Variants in SGCZ observed in about 807,000 individuals in gnomAD.
SGCZ encodes the protein sarcoglycan zeta, also known as zeta-sarcoglycan.
Under a neutral mutation model 41.3 loss-of-function variants are expected in SGCZ, and 40 were observed. The ratio of observed to expected loss-of-function variants is 0.97; its 90% CI spans 0.75 to 1.26. The LOEUF is 1.26. Ranked by LOEUF, SGCZ falls within the 50% of genes most tolerant of loss-of-function variation. The pLI, the probability that SGCZ is intolerant of heterozygous loss-of-function variation, is 0.00. For missense variants in SGCZ, 552 were observed against 369.8 expected, an observed-to-expected ratio of 1.49 and a Z score of -4.04; for synonymous variants, 206 against 137.5, an observed-to-expected ratio of 1.50 and a Z score of -3.49.
chr8:15,144,522 T>C (rs1348897011), intron 1 of SGCZ, among the ~76,000 whole-genome samples: 1 of 152,070 alleles, frequency 6.6e-6, no homozygotes, highest in Admixed American at 6.6e-5. Context: ...TTCAGTGCAG[T>C]GGAGCCACCT....
intron 1 of SGCZ, among the ~76,000 whole-genome samples, chr8:14,938,991 C>T (rs529822436): frequency 1.3e-4 from 20 of 152,170 alleles, no homozygotes; most frequent in African/African-American, 1.7e-4. Context: ...TTTCAGTCTG[C>T]GCCCTGGCAA....
chr8:14,935,101 A>G (rs2130811374), intron 1 of SGCZ, among the ~76,000 whole-genome samples: 1 of 151,816 alleles, frequency 6.6e-6, no homozygotes, highest in East Asian at 1.9e-4. Context: ...TGATGAAAAT[A>G]AAACACAAAA....
intron 1 of SGCZ, among the ~76,000 whole-genome samples, chr8:15,213,715 T>C (rs1432221606): frequency 6.6e-6 from 1 of 151,826 alleles, no homozygotes; most frequent in Non-Finnish European, 1.5e-5. Flanking sequence ...AGTGAAAAGA[T>C]ATTTAACATA....
intron 6 of SGCZ, among the ~76,000 whole-genome samples, chr8:14,106,151 T>C (rs1391457451): frequency 1.3e-5 from 2 of 152,206 alleles, no homozygotes; most frequent in African/African-American, 4.8e-5. Flanking sequence ...AACAAATACT[T>C]ATTGCAACTA....
At chr8:14,718,142 A>C (rs1271079579) in intron 1 of SGCZ, among the ~76,000 whole-genome samples, 3 of 151,808 alleles carry the variant, frequency 2.0e-5, no homozygotes, top group Admixed American at 6.6e-5. Flanking sequence ...TATATTATTG[A>C]AATACACATA....
intron 3 of SGCZ, among the ~76,000 whole-genome samples, chr8:14,308,683 G>C (rs1255787394): frequency 6.6e-6 from 1 of 151,962 alleles, no homozygotes; most frequent in Non-Finnish European, 1.5e-5. Context: ...AAGAGGGATG[G>C]ATTTTAGTAT....
chr8:15,039,585 G>C (rs1465669314), intron 1 of SGCZ, among the ~76,000 whole-genome samples: 1 of 152,130 alleles, frequency 6.6e-6, no homozygotes, highest in Admixed American at 6.6e-5. Context: ...ATGTACTACA[G>C]TCAGTCAATA....
chr8:14,350,677 G>A (rs1374946959), intron 2 of SGCZ, among the ~76,000 whole-genome samples: 1 of 151,970 alleles, frequency 6.6e-6, no homozygotes, highest in Non-Finnish European at 1.5e-5. Flanking sequence ...AGGTCTTTGT[G>A]GAATTGCATG....
At chr8:14,180,095 G>A (rs1301328716) in intron 4 of SGCZ, among the ~76,000 whole-genome samples, 3 of 152,232 alleles carry the variant, frequency 2.0e-5, no homozygotes, top group Non-Finnish European at 2.9e-5. Flanking sequence ...ATGGAAGGAG[G>A]CAGAATCCCA....
intron 1 of SGCZ, among the ~76,000 whole-genome samples, chr8:14,975,832 G>A (rs1044687901): frequency 7.3e-6 from 1 of 136,230 alleles, no homozygotes; most frequent in Non-Finnish European, 1.6e-5. Context: ...TGTAGAAATA[G>A]TTATGAACTA....
chr8:14,320,910 T>C (rs778652091), intron 3 of SGCZ, among the ~76,000 whole-genome samples: 5 of 152,040 alleles, frequency 3.3e-5, no homozygotes, highest in Non-Finnish European at 7.4e-5. Flanking sequence ...ATTTTGCTGG[T>C]TAGAAGTAGT....
intron 2 of SGCZ, among the ~76,000 whole-genome samples, chr8:14,527,436 G>C (rs538262126): frequency 6.6e-6 from 1 of 152,160 alleles, no homozygotes; most frequent in Middle Eastern, 3.4e-3. Context: ...TAAGTAGCTG[G>C]GACTACAGAT....
intron 2 of SGCZ, among the ~76,000 whole-genome samples, chr8:14,449,432 G>A (rs1290464085): frequency 1.3e-5 from 2 of 152,122 alleles, no homozygotes; most frequent in Admixed American, 6.6e-5. Context: ...TTTGGGGTGG[G>A]ATGAAAGCAT....
At chr8:14,944,934 C>A (rs1323072971) in intron 1 of SGCZ, among the ~76,000 whole-genome samples, 1 of 152,128 alleles carries the variant, frequency 6.6e-6, no homozygotes, top group Non-Finnish European at 1.5e-5. Context: ...AAAGCACGAG[C>A]TATGCTGTTC....
intron 3 of SGCZ, among the ~76,000 whole-genome samples, chr8:14,267,833 T>C (rs1585301095): frequency 6.6e-6 from 1 of 152,042 alleles, no homozygotes; most frequent in South Asian, 2.1e-4. Flanking sequence ...CATTCTGTGT[T>C]TATCTCATAT....
chr8:14,525,179 GAT>G (rs1802908360), intron 2 of SGCZ, among the ~76,000 whole-genome samples: 27 of 138,188 alleles, frequency 2.0e-4, no homozygotes, highest in Admixed American at 1.9e-3. Context: ...TAGATAGATA[GAT>G]AGATAGATAG....
At chr8:14,963,513 T>C (rs534652590) in intron 1 of SGCZ, among the ~76,000 whole-genome samples, 4 of 152,048 alleles carry the variant, frequency 2.6e-5, no homozygotes, top group African/African-American at 9.6e-5. Flanking sequence ...ACATTGTTCT[T>C]TCTTTTGTAT....
chr8:15,071,058 T>C (rs1805333415), intron 1 of SGCZ, among the ~76,000 whole-genome samples: 1 of 152,192 alleles, frequency 6.6e-6, no homozygotes, highest in South Asian at 2.1e-4. Context: ...TTCTCATGAA[T>C]GCTGTTTTAT....
At chr8:14,773,444 G>A (rs986274441) in intron 1 of SGCZ, among the ~76,000 whole-genome samples, 5 of 152,074 alleles carry the variant, frequency 3.3e-5, no homozygotes, top group Non-Finnish European at 7.4e-5. Flanking sequence ...TTTCCAACAA[G>A]ATTATTAATA....
Sources: gnomAD v4.1 joint callset for allele counts (sites outside exome capture counted in the v4.1 genomes callset) on GRCh38, gnomAD v4.1.1 for gene constraint, MANE v1.5 for transcripts, NCBI Gene and HGNC (gene_info 2026-07-23, HGNC 2026-07-21) for gene names.